TRHDE: variants seen among roughly 807,000 people sequenced by gnomAD.
The protein encoded by TRHDE is thyrotropin releasing hormone degrading enzyme.
TRHDE carries 72 observed loss-of-function variants against 125.7 expected under a neutral mutation model. The observed-to-expected ratio is 0.57, with a 90% CI of 0.47 to 0.70. The LOEUF is 0.70. Ranked by LOEUF, TRHDE falls within the 30% of genes least tolerant of loss-of-function variation. The pLI, the probability that TRHDE is intolerant of heterozygous loss-of-function variation, is 0.00. For synonymous variants in TRHDE, 509 were observed against 509.1 expected, an observed-to-expected ratio of 1.00 and a Z score of 0.00; for missense variants, 1,110 against 1,327.1, an observed-to-expected ratio of 0.84 and a Z score of 2.54.
chr12:72,621,088 T>G lies in TRHDE; in HGVS notation c.2470-20T>G, dbSNP rs369837314. 2 of 1,419,826 alleles carry G rather than the reference T, an allele frequency of 1.4e-6. No individual in the cohort carries two copies. The highest frequency in any genetic ancestry group is 2.0e-6 in the Non-Finnish European group (2 of 1,012,400). 88.0% of individuals were successfully genotyped at this position (1,419,826 alleles called of 1,614,324 possible). A position where few individuals can be genotyped will look rare whatever the true frequency, so the allele number is the denominator to read the frequency against. Reference sequence around the variant, plus strand: ...AGTTTTAAACTGACCTTATCTTTATTTATTCTATACCCCATTTAGGAATAT... The same window carrying G: ...AGTTTTAAACTGACCTTATCTTTATGTATTCTATACCCCATTTAGGAATAT... On this transcript the variant is annotated intron_variant, in intron 13 of 18. Coordinates refer to ENST00000261180, the MANE Select transcript of TRHDE (RefSeq NM_013381.3).
At chr12:72,304,127 C>T (rs1840104474) in intron 2 of TRHDE, among the ~76,000 whole-genome samples, 1 of 152,078 alleles carries the variant, frequency 6.6e-6, no homozygotes, top group Non-Finnish European at 1.5e-5. Context: ...AGGCATTTTC[C>T]ACTAGACTAA....
chr12:72,169,174 A>T (rs981447831), intron 2 of TRHDE, among the ~76,000 whole-genome samples: 1 of 151,824 alleles, frequency 6.6e-6, no homozygotes, highest in Admixed American at 6.6e-5. Context: ...CAAGTGTTCA[A>T]TTCTACAAAC....
intron 2 of TRHDE, among the ~76,000 whole-genome samples, chr12:72,150,704 C>T (rs150826238): frequency 0.03 from 4,579 of 152,010 alleles, 121 homozygotes; most frequent in African/African-American, 0.068. Context: ...CAGCTTCATC[C>T]ATGTCCCTAC....
Position 72,346,300 on chromosome 12 carries a change from G to A in TRHDE, c.1189-31695G>A, listed in dbSNP as rs184561117. 1.4e-4 allele frequency among the ~76,000 whole-genome samples: 21 copies of A among 152,170 alleles called. No homozygotes were observed. The East Asian group carries it at 4.1e-3, about 30-fold the overall frequency. ...AATTTAAGTTCTGAAAGATCTGTGA[G>A]AGCAGAGAGGGTAGAGACCTTTACT... On this transcript the variant is annotated intron_variant, in intron 2 of 18. Coordinates refer to ENST00000261180, the MANE Select transcript of TRHDE (RefSeq NM_013381.3).
At chr12:72,450,035 T>C (rs1875496279) in intron 3 of TRHDE, among the ~76,000 whole-genome samples, 1 of 151,942 alleles carries the variant, frequency 6.6e-6, no homozygotes, top group African/African-American at 2.4e-5. Flanking sequence ...ATTTAATATT[T>C]AGTTAATTAC....
chr12:72,124,222 T>C (rs1294044852), intron 2 of TRHDE, among the ~76,000 whole-genome samples: 2 of 152,158 alleles, frequency 1.3e-5, no homozygotes, highest in Non-Finnish European at 2.9e-5. Context: ...GTGGTAAAAA[T>C]CCCTAATGTT....
intron 6 of TRHDE, among the ~76,000 whole-genome samples, chr12:72,538,059 T>C (rs1168214449): frequency 1.3e-5 from 2 of 152,086 alleles, no homozygotes; most frequent in Admixed American, 1.3e-4. Context: ...TAATGATTTC[T>C]TGATTGACTG....
intron 2 of TRHDE, among the ~76,000 whole-genome samples, chr12:72,154,947 C>A (rs1019382034): frequency 5.9e-5 from 9 of 152,298 alleles, no homozygotes; most frequent in Non-Finnish European, 1.3e-4. Flanking sequence ...GCCTGCCTTG[C>A]TAGATTGGGG....
intron 1 of TRHDE, among the ~76,000 whole-genome samples, chr12:72,090,157 T>A (rs1242731625): frequency 6.6e-6 from 1 of 152,174 alleles, no homozygotes; most frequent in Non-Finnish European, 1.5e-5. Context: ...GCTATTGTTT[T>A]CTCTGTAAAA....
At chr12:72,310,035 T>G (rs1868466989) in intron 2 of TRHDE, among the ~76,000 whole-genome samples, 1 of 152,192 alleles carries the variant, frequency 6.6e-6, no homozygotes, top group Non-Finnish European at 1.5e-5. Context: ...TGGGTGTACA[T>G]TGGTGAGACT....
intron 2 of TRHDE, among the ~76,000 whole-genome samples, chr12:72,119,308 G>A (rs1237250907): frequency 1.3e-5 from 2 of 152,042 alleles, no homozygotes; most frequent in African/African-American, 4.8e-5. Context: ...GGTCACTCAG[G>A]AGCATATTAT....
chr12:72,252,881 TAA>T (rs927691627), intron 2 of TRHDE, among the ~76,000 whole-genome samples: 1 of 152,070 alleles, frequency 6.6e-6, no homozygotes, highest in African/African-American at 2.4e-5. Context: ...CATAAAACAT[TAA>T]GTTTATACCT....
intron 3 of TRHDE, among the ~76,000 whole-genome samples, chr12:72,398,427 G>A (rs1872897682): frequency 6.6e-6 from 1 of 152,050 alleles, no homozygotes; most frequent in African/African-American, 2.4e-5. Flanking sequence ...ATTTTTTATA[G>A]CATTTATTAC....
At chr12:72,382,716 C>A (rs1458419259) in intron 3 of TRHDE, among the ~76,000 whole-genome samples, 2 of 152,266 alleles carry the variant, frequency 1.3e-5, no homozygotes, top group Middle Eastern at 3.4e-3. Context: ...GCAAAACAGA[C>A]AAACAAGAAA....
At chr12:72,275,861 T>C (rs1185719499) in intron 1 of TRHDE, among the ~76,000 whole-genome samples, 1 of 152,188 alleles carries the variant, frequency 6.6e-6, no homozygotes, top group Admixed American at 6.5e-5. Context: ...AGTTAACATA[T>C]AGTTAAACTC....
intron 15 of TRHDE, among the ~76,000 whole-genome samples, chr12:72,622,242 A>C (rs1266927206): frequency 6.6e-6 from 1 of 152,092 alleles, no homozygotes; most frequent in Non-Finnish European, 1.5e-5. Flanking sequence ...TTAAACTTGT[A>C]TCTTATCTTA....
intron 2 of TRHDE, among the ~76,000 whole-genome samples, chr12:72,363,048 G>C (rs1871177158): frequency 2.0e-5 from 3 of 151,948 alleles, no homozygotes; most frequent in Admixed American, 2.0e-4. Flanking sequence ...GGCGATGCAG[G>C]CTCTTTTTTG....
intron 6 of TRHDE, among the ~76,000 whole-genome samples, chr12:72,517,597 T>A (rs1378998628): frequency 6.6e-6 from 1 of 152,190 alleles, no homozygotes; most frequent in Non-Finnish European, 1.5e-5. Context: ...AAAAACCAGC[T>A]CCTGGATTCA....
chr12:72,530,805 T>A (rs1025310675), intron 6 of TRHDE, among the ~76,000 whole-genome samples: 2 of 152,058 alleles, frequency 1.3e-5, no homozygotes, highest in African/African-American at 4.8e-5. Flanking sequence ...GCACACTCTA[T>A]CCCCTAACCC....
Sources: gnomAD v4.1 joint callset for allele counts (sites outside exome capture counted in the v4.1 genomes callset) on GRCh38, gnomAD v4.1.1 for gene constraint, MANE v1.5 for transcripts, NCBI Gene and HGNC (gene_info 2026-07-23, HGNC 2026-07-21) for gene names.